Variants in DDX10 observed in about 807,000 individuals in gnomAD.
The protein encoded by DDX10 is DEAD-box helicase 10.
In DDX10, 74 loss-of-function variants were observed where a neutral mutation model predicts 104.3. That is an observed-to-expected ratio of 0.71 (90% CI 0.59 to 0.86). The LOEUF (loss-of-function observed/expected upper bound fraction) is 0.86, where lower values mean the gene tolerates loss of function less well. Ranked by LOEUF, DDX10 falls within the 40% of genes least tolerant of loss-of-function variation. The probability of loss-of-function intolerance (pLI) is 0.00; values close to 1 mark genes in which losing one functional copy is unlikely to be tolerated. For missense variants in DDX10, 952 were observed against 1,040.0 expected (o/e 0.92, Z 1.16); for synonymous variants, 351 against 353.4 (o/e 0.99, Z 0.08).
At chr11:108,769,691 G>T (rs1452748482) in intron 13 of DDX10, among the ~76,000 whole-genome samples, 2 of 151,972 alleles carry the variant, frequency 1.3e-5, no homozygotes, top group Non-Finnish European at 2.9e-5. Context: ...ATTTTGTGTG[G>T]TCTAGTTTGA....
At position 108,880,716 on chromosome 11, in the gene DDX10, G is replaced by C. The variant is rs565879105; in HGVS notation, c.2304+28507G>C. On this transcript the variant is annotated intron_variant, in intron 16 of 17. Coordinates refer to ENST00000322536, the MANE Select transcript of DDX10 (RefSeq NM_004398.4). ...TGTAGCTAACAGGGAACCTCAAGGAGCATTTAAACAGGAAAGTAACATAAT... is the reference window on the plus strand; with the variant it reads ...TGTAGCTAACAGGGAACCTCAAGGACCATTTAAACAGGAAAGTAACATAAT... 1.6e-4 allele frequency among the ~76,000 whole-genome samples: 25 copies of C among 152,282 alleles called. No homozygotes were observed. In the South Asian group the frequency reaches 3.3e-3, roughly 20 times the overall value.
intron 9 of DDX10, among the ~76,000 whole-genome samples, chr11:108,703,666 T>C (rs1362461845): frequency 7.2e-6 from 1 of 139,398 alleles, no homozygotes; most frequent in African/African-American, 2.7e-5. Flanking sequence ...ATTTCTTATA[T>C]GTTTAGCCTT....
At chr11:108,796,443 G>T (rs1164821145) in intron 13 of DDX10, among the ~76,000 whole-genome samples, 1 of 152,102 alleles carries the variant, frequency 6.6e-6, no homozygotes, top group Non-Finnish European at 1.5e-5. Context: ...ACTCAGTAAT[G>T]GTGGATGAAG....
At chr11:108,798,936 G>GA (rs1861982079) in intron 13 of DDX10, among the ~76,000 whole-genome samples, 1 of 152,072 alleles carries the variant, frequency 6.6e-6, no homozygotes, top group Non-Finnish European at 1.5e-5. Flanking sequence ...CAGACAATAT[G>GA]AAAAATGTAT....
At chr11:108,888,718 G>C (rs1863334853) in intron 16 of DDX10, among the ~76,000 whole-genome samples, 1 of 151,948 alleles carries the variant, frequency 6.6e-6, no homozygotes, top group Non-Finnish European at 1.5e-5. Flanking sequence ...CTGCTGCACT[G>C]GTAATAGACT....
At chr11:108,859,029 C>G (rs987505860) in intron 16 of DDX10, among the ~76,000 whole-genome samples, 2 of 152,142 alleles carry the variant, frequency 1.3e-5, no homozygotes, top group Non-Finnish European at 2.9e-5. Context: ...GTGAATGTTG[C>G]ATTTGATGCC....
intron 16 of DDX10, 42 bp from the exon 17 acceptor site, chr11:108,917,831 C>A (rs374225933): frequency 1.3e-5 from 20 of 1,598,924 alleles, no homozygotes; most frequent in Admixed American, 3.4e-5. Flanking sequence ...TATTTATCAA[C>A]TGACTTCTTC....
chr11:108,904,274 C>A (rs1018243878), intron 16 of DDX10, among the ~76,000 whole-genome samples: 4 of 152,028 alleles, frequency 2.6e-5, no homozygotes, highest in Non-Finnish European at 4.4e-5. Flanking sequence ...GGTTGGAAAC[C>A]AAAATGTTCA....
chr11:108,787,561 GT>G (rs1355043597), intron 13 of DDX10, among the ~76,000 whole-genome samples: 1 of 150,952 alleles, frequency 6.6e-6, no homozygotes, highest in Non-Finnish European at 1.5e-5. Context: ...TTTTATTTTT[GT>G]CTGGGTTGAT....
At chr11:108,812,692 A>G (rs1862199993) in intron 13 of DDX10, among the ~76,000 whole-genome samples, 1 of 152,156 alleles carries the variant, frequency 6.6e-6, no homozygotes, top group South Asian at 2.1e-4. Flanking sequence ...CCATAAAAAA[A>G]TGCCATCAGC....
intron 13 of DDX10, among the ~76,000 whole-genome samples, chr11:108,792,586 C>T (rs1471813122): frequency 3.3e-5 from 5 of 152,104 alleles, no homozygotes; most frequent in African/African-American, 1.2e-4. Context: ...ATACATTTCT[C>T]TTTCTGGAGT....
chr11:108,934,292 C>G (rs1864010191), intron 17 of DDX10, among the ~76,000 whole-genome samples: 1 of 152,150 alleles, frequency 6.6e-6, no homozygotes, highest in Non-Finnish European at 1.5e-5. Context: ...TAGTCCTTTT[C>G]ACTTAGAAGG....
chr11:108,846,894 C>T (rs1367091081), intron 15 of DDX10, among the ~76,000 whole-genome samples: 2 of 152,072 alleles, frequency 1.3e-5, no homozygotes, highest in Non-Finnish European at 2.9e-5. Context: ...ACTCAAGCTG[C>T]CTGCTTGCCA....
intron 10 of DDX10, among the ~76,000 whole-genome samples, chr11:108,709,412 G>A (rs915475063): frequency 2.0e-5 from 3 of 152,160 alleles, no homozygotes; most frequent in African/African-American, 4.8e-5. Flanking sequence ...GAGCCCATCC[G>A]GGCTTGGTGA....
chr11:108,838,482 A>G lies in DDX10; in HGVS notation c.2002A>G (p.Met668Val). 1 of 1,612,934 alleles carries G rather than the reference A, an allele frequency of 6.2e-7. No homozygotes were observed. Among genetic ancestry groups the G allele is most frequent in the South Asian group, 1.1e-5 (1 of 90,912 alleles). ...TTCTAAATCCAGCATCAAGAAAAAA[A>G]TGACCAAAGTTGCAGAAGCAAAAAA... ...EPSKSSIKKK[M>V]TKVAEAKKVM... Residue 668 changes from methionine to valine, a missense_variant, in exon 14 of 18, where the codon ATG (methionine) becomes GTG (valine). Met to Val is a conservative substitution (Grantham distance 21). This residue lies in a region of DDX10 where 533 missense variants were observed against 534.1 expected (regional missense o/e 1.00). Coordinates refer to ENST00000322536, the MANE Select transcript of DDX10 (RefSeq NM_004398.4).
At chr11:108,854,637 GAGGACTCACGTAGC>G (rs1862840725) in intron 16 of DDX10, among the ~76,000 whole-genome samples, 1 of 152,284 alleles carries the variant, frequency 6.6e-6, no homozygotes, top group African/African-American at 2.4e-5. Context: ...GTAAGAAAGG[GAGGACTCACGTAGC>G]TGTCTTTCTA....
At chr11:108,903,678 G>A (rs1326756037) in intron 16 of DDX10, among the ~76,000 whole-genome samples, 3 of 152,094 alleles carry the variant, frequency 2.0e-5, no homozygotes, top group Non-Finnish European at 2.9e-5. Context: ...AGGGACTTCA[G>A]CACCCATGGT....
chr11:108,908,325 A>G (rs910606398), intron 16 of DDX10, among the ~76,000 whole-genome samples: 1 of 152,134 alleles, frequency 6.6e-6, no homozygotes, highest in Non-Finnish European at 1.5e-5. Context: ...TTTTCTGTAA[A>G]ATTTTCTTTT....
chr11:108,779,335 C>G (rs929080584), intron 13 of DDX10, among the ~76,000 whole-genome samples: 2 of 152,168 alleles, frequency 1.3e-5, no homozygotes, highest in African/African-American at 4.8e-5. Flanking sequence ...GGCACATATA[C>G]CCTATGGAAT....
Sources: allele counts gnomAD v4.1 joint callset (sites outside exome capture counted in the v4.1 genomes callset), GRCh38; gene constraint gnomAD v4.1.1; regional missense constraint gnomAD v4.1.1; transcripts MANE v1.5; gene names NCBI Gene and HGNC (gene_info 2026-07-23, HGNC 2026-07-21).